Variants in NEK7 observed in about 807,000 individuals in gnomAD.
NEK7 encodes the protein serine/threonine-protein kinase Nek7.
NEK7 carries 18 observed loss-of-function variants against 44.6 expected under a neutral mutation model. That is an observed-to-expected ratio of 0.40 (90% CI 0.28 to 0.60). The LOEUF is 0.60. NEK7 is among the 20% of genes least tolerant of loss of function. NEK7 has a pLI of 0.38. For synonymous variants in NEK7, 130 were observed against 121.1 expected (o/e 1.07, Z -0.48); for missense variants, 256 against 366.5 (o/e 0.70, Z 2.46).
At chr1:198,211,777 A>T (rs571448751) in intron 1 of NEK7, among the ~76,000 whole-genome samples, 5 of 152,212 alleles carry the variant, frequency 3.3e-5, no homozygotes, top group Non-Finnish European at 7.3e-5. Context: ...TCGAAAGACA[A>T]AACTGTGTGT....
intron 1 of NEK7, among the ~76,000 whole-genome samples, chr1:198,169,580 A>G (rs911406770): frequency 5.3e-5 from 7 of 132,082 alleles, no homozygotes; most frequent in African/African-American, 1.7e-4. Context: ...CATATCTAAC[A>G]ACTTACTGGG....
chr1:198,193,208 A>G (rs939493905), intron 1 of NEK7, among the ~76,000 whole-genome samples: 1 of 152,188 alleles, frequency 6.6e-6, no homozygotes, highest in Non-Finnish European at 1.5e-5. Context: ...GAAAATCTAG[A>G]AGAAATGGGT....
chr1:198,293,089 A>G (rs12072750), intron 8 of NEK7, 50 bp downstream of exon 8: 1 of 952,724 alleles, frequency 1.0e-6, no homozygotes, highest in Non-Finnish European at 1.7e-6. Flanking sequence ...TACTTAGTAT[A>G]TTTCCTCTAT....
intron 1 of NEK7, among the ~76,000 whole-genome samples, chr1:198,231,476 C>T (rs1032882215): frequency 9.9e-5 from 15 of 150,870 alleles, no homozygotes; most frequent in African/African-American, 2.7e-4. Flanking sequence ...TGCCTTATAT[C>T]ATAAAAAAAC....
chr1:198,228,476 G>T (rs1226118469), intron 1 of NEK7, among the ~76,000 whole-genome samples: 1 of 152,014 alleles, frequency 6.6e-6, no homozygotes, highest in Non-Finnish European at 1.5e-5. Flanking sequence ...CCATTTTCAC[G>T]ATATTGATTC....
At chr1:198,277,629 T>G (rs1654056157) in intron 5 of NEK7, 1 of 171,220 alleles carries the variant, frequency 5.8e-6, no homozygotes, top group African/African-American at 2.4e-5. Context: ...TATCTAGACT[T>G]TTTTATTCTG....
chr1:198,244,613 G>C (rs1666777548), intron 2 of NEK7, among the ~76,000 whole-genome samples: 1 of 152,078 alleles, frequency 6.6e-6, no homozygotes, highest in Non-Finnish European at 1.5e-5. Flanking sequence ...AATGTGATTA[G>C]AGTGTATTCA....
intron 1 of NEK7, among the ~76,000 whole-genome samples, chr1:198,197,481 C>T (rs1234026142): frequency 6.6e-6 from 1 of 152,196 alleles, no homozygotes; most frequent in Non-Finnish European, 1.5e-5. Context: ...TTTAAGTGTA[C>T]AGCTCAGCAA....
At chr1:198,291,213 C>G (rs1303771453) in intron 7 of NEK7, among the ~76,000 whole-genome samples, 1 of 152,182 alleles carries the variant, frequency 6.6e-6, no homozygotes, top group African/African-American at 2.4e-5. Context: ...CAGTTGCCCC[C>G]CTGTGGATTC....
At chr1:198,284,751 A>G (rs533663404) in intron 7 of NEK7, among the ~76,000 whole-genome samples, 49 of 152,290 alleles carry the variant, frequency 3.2e-4, no homozygotes, top group African/African-American at 1.2e-3. Context: ...ATATTTAAAC[A>G]TATAAACAGA....
In NEK7 at chr1:198,321,946, A is replaced by G. The variant is rs1655545992; in HGVS notation, c.*2424A>G. On this transcript the variant is annotated 3_prime_UTR_variant, in exon 10 of 10. Coordinates refer to ENST00000367385, the MANE Select transcript of NEK7 (RefSeq NM_133494.3). ...ACATTGGTACCAGTTACCCAGGTGAAAATATGGAGTAACTTTGTTTTGTAT... is the reference window on the plus strand; with the variant it reads ...ACATTGGTACCAGTTACCCAGGTGAGAATATGGAGTAACTTTGTTTTGTAT... The G allele has an allele frequency of 1.3e-5, 2 of 152,156 alleles. No individual in the cohort carries two copies. Among genetic ancestry groups the G allele is most frequent in the African/African-American group, 2.4e-5 (1 of 41,456 alleles). The allele number at this position is 152,156 out of a possible 1,614,324, so 9.4% of individuals were successfully genotyped here.
rs768329832 is a variant in NEK7 at position 198,264,260 on chromosome 1, ATGTTT to A, written c.372+37_372+41del. 2.2e-5 allele frequency: 33 copies of A among 1,530,712 alleles called. No homozygotes were observed. In the South Asian group the frequency reaches 2.9e-4, roughly 13 times the overall value. 94.8% of individuals were successfully genotyped at this position (1,530,712 alleles called of 1,614,324 possible). A position where few individuals can be genotyped will look rare whatever the true frequency, so the allele number is the denominator to read the frequency against. On this transcript the variant is annotated intron_variant, in intron 5 of 9. Transcript: ENST00000367385. ...GGTAAGTTTTGAAAAAATTGTCTTA[ATGTTT>A]TGTTTTGTTTTTTTTTCTAATAGAA...
intron 1 of NEK7, among the ~76,000 whole-genome samples, chr1:198,217,710 C>T (rs1012389848): frequency 6.6e-5 from 10 of 151,716 alleles, no homozygotes; most frequent in African/African-American, 2.4e-4. Context: ...CCAAAACACT[C>T]CTAGATCTAA....
intron 5 of NEK7, among the ~76,000 whole-genome samples, chr1:198,270,002 A>G (rs1233140575): frequency 1.3e-5 from 2 of 152,008 alleles, no homozygotes; most frequent in African/African-American, 4.8e-5. Context: ...TTGTAGTTAA[A>G]TTGGACACAT....
At chr1:198,169,433 G>T (rs1664368091) in intron 1 of NEK7, among the ~76,000 whole-genome samples, 1 of 152,076 alleles carries the variant, frequency 6.6e-6, no homozygotes, top group African/African-American at 2.4e-5. Context: ...TTTATTAATT[G>T]CAGAATATGA....
intron 8 of NEK7, among the ~76,000 whole-genome samples, chr1:198,296,776 GT>G (rs1424135628): frequency 6.6e-6 from 1 of 152,120 alleles, no homozygotes; most frequent in African/African-American, 2.4e-5. Flanking sequence ...TGTGATGACT[GT>G]TTTGTTGTGA....
At chr1:198,178,008 A>G (rs1410667265) in intron 1 of NEK7, among the ~76,000 whole-genome samples, 1 of 150,324 alleles carries the variant, frequency 6.7e-6, no homozygotes, top group East Asian at 2.0e-4. Context: ...TGTATACAGT[A>G]TATTAAATTT....
At chr1:198,251,610 G>A (rs1237450302) in intron 2 of NEK7, among the ~76,000 whole-genome samples, 2 of 152,092 alleles carry the variant, frequency 1.3e-5, no homozygotes, top group Admixed American at 6.5e-5. Flanking sequence ...TTGGGAGGGT[G>A]TATGTGTCAA....
chr1:198,181,237 T>G (rs977591210), intron 1 of NEK7, among the ~76,000 whole-genome samples: 2 of 152,102 alleles, frequency 1.3e-5, no homozygotes, highest in Non-Finnish European at 2.9e-5. Flanking sequence ...TAAAAACTTC[T>G]TGGTGTTTTT....
Sources: allele counts gnomAD v4.1 joint callset (sites outside exome capture counted in the v4.1 genomes callset), GRCh38; gene constraint gnomAD v4.1.1; transcripts MANE v1.5; gene names NCBI Gene and HGNC (gene_info 2026-07-23, HGNC 2026-07-21).